ANKS1B: variants seen among roughly 807,000 people sequenced by gnomAD.
ANKS1B encodes the protein ankyrin repeat and sterile alpha motif domain-containing protein 1B.
ANKS1B carries 36 observed loss-of-function variants against 148.3 expected under a neutral mutation model. The ratio of observed to expected loss-of-function variants is 0.24; its 90% CI spans 0.19 to 0.32. The LOEUF is 0.32. ANKS1B is among the 10% of genes least tolerant of loss of function. The pLI, the probability that ANKS1B is intolerant of heterozygous loss-of-function variation, is 1.00. For missense variants in ANKS1B, 1,157 were observed against 1,542.6 expected, an observed-to-expected ratio of 0.75 and a Z score of 4.19; for synonymous variants, 542 against 560.8, an observed-to-expected ratio of 0.97 and a Z score of 0.47.
At chr12:99,605,453 A>T (rs2097844936) in intron 9 of ANKS1B, among the ~76,000 whole-genome samples, 1 of 151,914 alleles carries the variant, frequency 6.6e-6, no homozygotes. Flanking sequence ...TGTAACTTTG[A>T]ACCCACTGAC....
At chr12:99,179,548 C>G (rs932420474) in intron 14 of ANKS1B, among the ~76,000 whole-genome samples, 2 of 151,890 alleles carry the variant, frequency 1.3e-5, no homozygotes, top group African/African-American at 4.8e-5. Flanking sequence ...CATTCTCTTT[C>G]CTGCCATCCT....
At position 99,351,771 on chromosome 12, in the gene ANKS1B, A is replaced by C. The variant is rs530850999; in HGVS notation, c.1756+47860T>G. On this transcript the variant is annotated intron_variant, in intron 12 of 26. Transcript: ENST00000683438. ...ATGCCTCAATTAGACCAGTTCTTAC[A>C]TTTTACCAGAAAGGAAGCTGAGAAT... Among the ~76,000 whole-genome samples, 3 of 152,176 alleles carry C rather than the reference A, an allele frequency of 2.0e-5. No individual in the cohort carries two copies. In the East Asian group the frequency reaches 5.8e-4, roughly 29 times the overall value.
At chr12:99,103,959 GTC>G (rs1283637874) in intron 15 of ANKS1B, among the ~76,000 whole-genome samples, 1 of 152,168 alleles carries the variant, frequency 6.6e-6, no homozygotes, top group African/African-American at 2.4e-5. Flanking sequence ...ACAAAACACA[GTC>G]TCTGTCTTCC....
chr12:99,882,628 T>C (rs757604347), intron 1 of ANKS1B, among the ~76,000 whole-genome samples: 1 of 152,100 alleles, frequency 6.6e-6, no homozygotes, highest in African/African-American at 2.4e-5. Context: ...TATAATGGAC[T>C]ATAGAGACTT....
intron 11 of ANKS1B, among the ~76,000 whole-genome samples, chr12:99,432,237 T>C (rs1465309799): frequency 6.6e-6 from 1 of 152,156 alleles, no homozygotes; most frequent in Non-Finnish European, 1.5e-5. Flanking sequence ...ATAATGGAAC[T>C]CCCAACCTCA....
chr12:98,752,248 C>T (rs1250034850), intron 25 of ANKS1B, among the ~76,000 whole-genome samples: 13 of 140,400 alleles, frequency 9.3e-5, no homozygotes, highest in Admixed American at 7.1e-5. Context: ...GGCTGTGTCA[C>T]GGGTGCATTT....
chr12:98,913,536 A>T (rs2099789673), intron 17 of ANKS1B, among the ~76,000 whole-genome samples: 1 of 152,144 alleles, frequency 6.6e-6, no homozygotes, highest in South Asian at 2.1e-4. Context: ...CCACATGTTG[A>T]CACTTCCTCA....
At chr12:99,183,057 T>G (rs181545825) in intron 14 of ANKS1B, among the ~76,000 whole-genome samples, 1 of 152,320 alleles carries the variant, frequency 6.6e-6, no homozygotes, top group Admixed American at 6.5e-5. Flanking sequence ...TATGTTATGG[T>G]TTTAATCCCC....
At chr12:99,884,530 G>T (rs1238564611) in intron 1 of ANKS1B, among the ~76,000 whole-genome samples, 1 of 152,192 alleles carries the variant, frequency 6.6e-6, no homozygotes, top group Non-Finnish European at 1.5e-5. Flanking sequence ...AAAACTAATT[G>T]TGGCACATTC....
chr12:99,238,439 A>G lies in ANKS1B; in HGVS notation c.2419+5903T>C, dbSNP rs542970384. Among the ~76,000 whole-genome samples, 485 of 152,358 alleles carry G rather than the reference A, an allele frequency of 3.2e-3. 1 individual carries two copies. The highest frequency in any genetic ancestry group is 0.011 in the African/African-American group (463 of 41,588). Reference sequence around the variant, plus strand: ...TGGGTGGAGCCCACTGCAGCTTAGCAAGGCCTACTGCCTCTCTAGATTCCA... The same window carrying G: ...TGGGTGGAGCCCACTGCAGCTTAGCGAGGCCTACTGCCTCTCTAGATTCCA... On this transcript the variant is annotated intron_variant, in intron 14 of 26. Coordinates refer to ENST00000683438, the MANE Select transcript of ANKS1B (RefSeq NM_001352186.2).
At chr12:99,619,143 C>T (rs1228671689) in intron 9 of ANKS1B, among the ~76,000 whole-genome samples, 1 of 152,016 alleles carries the variant, frequency 6.6e-6, no homozygotes, top group Admixed American at 6.6e-5. Flanking sequence ...GGCAGAAATT[C>T]AGGCATTCAG....
chr12:99,254,704 T>G (rs567850548), intron 12 of ANKS1B, among the ~76,000 whole-genome samples: 19 of 152,342 alleles, frequency 1.2e-4, no homozygotes, highest in African/African-American at 4.6e-4. Context: ...CTAAGGTTGC[T>G]GAGAATTTTA....
chr12:98,870,123 T>C (rs540355277), intron 17 of ANKS1B, among the ~76,000 whole-genome samples: 1 of 152,348 alleles, frequency 6.6e-6, no homozygotes, highest in African/African-American at 2.4e-5. Flanking sequence ...ACCCAGCTCC[T>C]GGAATTGTTT....
At chr12:99,368,697 T>C (rs7955209) in intron 12 of ANKS1B, among the ~76,000 whole-genome samples, 16,491 of 152,000 alleles carry the variant, frequency 0.11, 906 homozygotes, top group Non-Finnish European at 0.13. Context: ...AATTTTACAG[T>C]GGTTGAGAAA....
chr12:99,966,191 G>T (rs2153834855), intron 1 of ANKS1B, among the ~76,000 whole-genome samples: 1 of 152,272 alleles, frequency 6.6e-6, no homozygotes, highest in South Asian at 2.1e-4. Context: ...AGGAATAAAT[G>T]GCTGTAATGT....
intron 17 of ANKS1B, among the ~76,000 whole-genome samples, chr12:99,052,563 TA>T (rs1341680511): frequency 6.7e-6 from 1 of 148,200 alleles, no homozygotes; most frequent in African/African-American, 2.5e-5. Flanking sequence ...CCGTCTCTAC[TA>T]AAAAATACAA....
rs774829851 is a variant in ANKS1B, at chr12:99,779,985, G to C, written c.746-13C>G. 3 of 1,578,278 alleles carry C rather than the reference G, an allele frequency of 1.9e-6. No individual in the cohort carries two copies. Among genetic ancestry groups the C allele is most frequent in the Non-Finnish European group, 2.6e-6 (3 of 1,152,522 alleles). On this transcript the variant is annotated splice_polypyrimidine_tract_variant and intron_variant, in intron 5 of 26. Coordinates refer to ENST00000683438, the MANE Select transcript of ANKS1B (RefSeq NM_001352186.2). ...TTGGCATCAATTCCTGAAAGAAAAA[G>C]AAAAACTCACTAGATATACACCACT...
chr12:99,920,538 CACA>C (rs1268246099), intron 1 of ANKS1B, among the ~76,000 whole-genome samples: 1 of 151,738 alleles, frequency 6.6e-6, no homozygotes, highest in Non-Finnish European at 1.5e-5. Flanking sequence ...AGAACTGACT[CACA>C]AGATTATGGA....
rs111577612 is a variant in ANKS1B at position 99,459,179 on chromosome 12, G to C, written c.1439-15370C>G. Among the ~76,000 whole-genome samples the C allele has an allele frequency of 4.5e-3, 684 of 152,184 alleles. 3 individuals carry two copies. The highest frequency in any genetic ancestry group is 7.6e-3 in the Non-Finnish European group (516 of 67,966). On this transcript the variant is annotated intron_variant, in intron 10 of 26. Transcript: ENST00000683438. The stretch of plus-strand genomic sequence containing the variant: ...CAAAAATTACATGATCATCTGAATA[G>C]ATGCAGAAAAAGCATTTGATGAAAT...
Sources: gnomAD v4.1 joint callset for allele counts (sites outside exome capture counted in the v4.1 genomes callset) on GRCh38, gnomAD v4.1.1 for gene constraint, MANE v1.5 for transcripts, NCBI Gene and HGNC (gene_info 2026-07-23, HGNC 2026-07-21) for gene names.